CLASP1: variants seen among roughly 807,000 people sequenced by gnomAD.
The protein encoded by CLASP1 is CLIP-associating protein 1.
In CLASP1, 38 loss-of-function variants were observed where a neutral mutation model predicts 192.3. The ratio of observed to expected loss-of-function variants is 0.20; its 90% confidence interval spans 0.15 to 0.26. The LOEUF is 0.26. CLASP1 is among the 10% of genes least tolerant of loss of function. CLASP1 has a pLI of 1.00. For missense variants in CLASP1, 1,433 were observed against 1,932.5 expected, an observed-to-expected ratio of 0.74 and a Z score of 4.85; for synonymous variants, 691 against 712.8, an observed-to-expected ratio of 0.97 and a Z score of 0.49.
chr2:121,545,415 CA>C (rs1356102815), intron 2 of CLASP1, among the ~76,000 whole-genome samples: 1 of 151,826 alleles, frequency 6.6e-6, no homozygotes, highest in African/African-American at 2.4e-5. Flanking sequence ...AATCATGATC[CA>C]AAAAAATCCA....
intron 35 of CLASP1, among the ~76,000 whole-genome samples, chr2:121,365,666 AC>A (rs892447914): frequency 2.6e-5 from 4 of 152,230 alleles, no homozygotes; most frequent in African/African-American, 9.6e-5. Context: ...CCTGAGTCAG[AC>A]CCACCACTGG....
At chr2:121,453,240 A>G (rs2085910694) in intron 14 of CLASP1, among the ~76,000 whole-genome samples, 1 of 152,198 alleles carries the variant, frequency 6.6e-6, no homozygotes. Context: ...GACTGCAATG[A>G]ACTATGATTG....
At chr2:121,448,531 T>C (rs1413903295) in intron 17 of CLASP1, among the ~76,000 whole-genome samples, 1 of 152,096 alleles carries the variant, frequency 6.6e-6, no homozygotes, top group Non-Finnish European at 1.5e-5. Flanking sequence ...ATACAGAGAG[T>C]GAAATAGTAA....
chr2:121,644,662 G>A (rs1290078196), intron 1 of CLASP1, among the ~76,000 whole-genome samples: 4 of 151,858 alleles, frequency 2.6e-5, no homozygotes, highest in Non-Finnish European at 5.9e-5. Context: ...CTTGGGGGCC[G>A]GTGTAGGGGA....
At chr2:121,548,660 G>A (rs1370614514) in intron 2 of CLASP1, among the ~76,000 whole-genome samples, 1 of 152,020 alleles carries the variant, frequency 6.6e-6, no homozygotes, top group African/African-American at 2.4e-5. Context: ...GGCAGCTAGA[G>A]AGAAAGGGCA....
At chr2:121,516,203 C>A (rs1559490996) in intron 6 of CLASP1, among the ~76,000 whole-genome samples, 1 of 152,128 alleles carries the variant, frequency 6.6e-6, no homozygotes, top group East Asian at 1.9e-4. Flanking sequence ...TATGAAGTCC[C>A]ATACTCAAGA....
intron 8 of CLASP1, 139 bp downstream of exon 8, chr2:121,503,028 G>C (rs1173563634): frequency 3.3e-6 from 2 of 608,558 alleles, no homozygotes; most frequent in Non-Finnish European, 5.9e-6. Flanking sequence ...TTCTGGCCTG[G>C]AAAACTGGGT....
In CLASP1 at chr2:121,505,955, G is replaced by GA. The variant is rs920616507; in HGVS notation, c.645-2722dup. Among the ~76,000 whole-genome samples, 25 of 152,162 alleles carry GA rather than the reference G, an allele frequency of 1.6e-4. No individual in the cohort carries two copies. In the East Asian group the frequency reaches 4.4e-3, roughly 27 times the overall value. On this transcript the variant is annotated intron_variant, in intron 7 of 39. Coordinates refer to ENST00000263710, the Ensembl canonical transcript of CLASP1. ...TCCATATACTCAGAGCTTCTAGCATGAAAAAGAGAAATCAACATAAACACA... is the reference window on the plus strand; with the variant it reads ...TCCATATACTCAGAGCTTCTAGCATGAAAAAAGAGAAATCAACATAAACACA...
intron 37 of CLASP1, among the ~76,000 whole-genome samples, chr2:121,353,434 G>A (rs2064859930): frequency 6.6e-6 from 1 of 152,098 alleles, no homozygotes; most frequent in Non-Finnish European, 1.5e-5. Context: ...CCTCTCCAAT[G>A]ACCTCTAAGA....
Position 121,530,081 on chromosome 2 carries a change from G to A in CLASP1, c.274+166C>T, listed in dbSNP as rs543582385. 4.0e-3 allele frequency among the ~76,000 whole-genome samples: 606 copies of A among 151,582 alleles called. 3 individuals are homozygous for A. Among genetic ancestry groups the A allele is most frequent in the African/African-American group, 0.014 (585 of 41,240 alleles). ...ACCCAGGCTGCGAGTGCTTAGGGGGGCTGCGGGGGAGGGCGGGGACTGGCT... is the reference window on the plus strand; with the variant it reads ...ACCCAGGCTGCGAGTGCTTAGGGGGACTGCGGGGGAGGGCGGGGACTGGCT... On this transcript the variant is annotated intron_variant, in intron 3 of 39. Coordinates refer to ENST00000263710, the Ensembl canonical transcript of CLASP1.
intron 2 of CLASP1, among the ~76,000 whole-genome samples, chr2:121,560,149 T>A (rs558783667): frequency 5.9e-5 from 9 of 151,908 alleles, no homozygotes; most frequent in Admixed American, 3.3e-4. Context: ...AAAAAAAAAA[T>A]TTAATGATAA....
intron 2 of CLASP1, among the ~76,000 whole-genome samples, chr2:121,558,308 G>A (rs905401665): frequency 2.0e-5 from 3 of 152,132 alleles, no homozygotes; most frequent in South Asian, 2.1e-4. Context: ...GCATCACCCA[G>A]ATTGAAAATG....
chr2:121,348,708 G>A (rs780921353), exon 38 of CLASP1: 13 of 1,602,740 alleles, frequency 8.1e-6, no homozygotes, highest in South Asian at 5.6e-5. Flanking sequence ...CTCCTCAGCC[G>A]CTCTCACCAC....
At chr2:121,604,249 T>C (rs2105900079) in intron 2 of CLASP1, among the ~76,000 whole-genome samples, 1 of 152,372 alleles carries the variant, frequency 6.6e-6, no homozygotes, top group Non-Finnish European at 1.5e-5. Flanking sequence ...CTAGACTTTA[T>C]CACCTCTCAT....
At chr2:121,603,324 T>C (rs2105892837) in intron 2 of CLASP1, among the ~76,000 whole-genome samples, 1 of 151,940 alleles carries the variant, frequency 6.6e-6, no homozygotes, top group African/African-American at 2.4e-5. Flanking sequence ...TATGAAAAAA[T>C]GTTCGACATC....
exon 35 of CLASP1, chr2:121,367,827 G>A: frequency 6.2e-7 from 1 of 1,612,934 alleles, no homozygotes; most frequent in Non-Finnish European, 8.5e-7. Flanking sequence ...CCCATCGCGG[G>A]ACACCTGCAG....
chr2:121,440,957 C>T (rs1412214406), intron 19 of CLASP1, among the ~76,000 whole-genome samples: 1 of 152,084 alleles, frequency 6.6e-6, no homozygotes, highest in Non-Finnish European at 1.5e-5. Flanking sequence ...AAGAGGAGCC[C>T]AAAGCCTTTG....
At chr2:121,382,783 A>G (rs891905111) in intron 32 of CLASP1, among the ~76,000 whole-genome samples, 3 of 152,330 alleles carry the variant, frequency 2.0e-5, no homozygotes, top group South Asian at 2.1e-4. Context: ...GGACTCCAGC[A>G]GGAGGACTCA....
exon 2 of CLASP1, chr2:121,606,144 A>G: frequency 1.9e-6 from 1 of 521,210 alleles, no homozygotes; most frequent in Non-Finnish European, 3.4e-6. Flanking sequence ...ATGTTCTACT[A>G]CTGGGTCTGA....
Sources: gnomAD v4.1 joint callset for allele counts (sites outside exome capture counted in the v4.1 genomes callset) on GRCh38, gnomAD v4.1.1 for gene constraint, MANE v1.5 for transcripts, NCBI Gene and HGNC (gene_info 2026-07-23, HGNC 2026-07-21) for gene names.